Variants in KLHL13 observed in about 807,000 individuals in gnomAD.
KLHL13 encodes kelch like family member 13, also known as kelch-like protein 13.
KLHL13 carries 10 observed loss-of-function variants against 37.1 expected under a neutral mutation model. The observed-to-expected ratio is 0.27, with a 90% CI of 0.17 to 0.46. The LOEUF is 0.46. KLHL13 is among the 20% of genes least tolerant of loss of function. The probability of loss-of-function intolerance (pLI) is 1.00; values close to 1 mark genes in which losing one functional copy is unlikely to be tolerated. For synonymous variants in KLHL13, 163 were observed against 181.2 expected (o/e 0.90, Z 0.81); for missense variants, 360 against 509.3 (o/e 0.71, Z 2.82).
At chrX:118,115,093 G>A (rs774921388) in intron 1 of KLHL13, among the ~76,000 whole-genome samples, 5 of 112,589 alleles carry the variant, frequency 4.4e-5, no homozygotes, top group Non-Finnish European at 9.4e-5. Context: ...TTACCGTTAA[G>A]TATGAGGATA....
intron 1 of KLHL13, among the ~76,000 whole-genome samples, chrX:118,081,766 T>C (rs2054996787): frequency 9.0e-6 from 1 of 111,463 alleles, no homozygotes; most frequent in Non-Finnish European, 1.9e-5. Flanking sequence ...CAACCTCTAG[T>C]AACCATCATT....
intron 1 of KLHL13, among the ~76,000 whole-genome samples, chrX:117,958,765 T>C (rs1602595325): frequency 9.0e-6 from 1 of 111,122 alleles, no homozygotes; most frequent in African/African-American, 3.3e-5. Context: ...TATAAAATTA[T>C]AATAAATGCT....
chrX:118,096,224 C>T (rs1420239397), intron 1 of KLHL13, among the ~76,000 whole-genome samples: 1 of 111,463 alleles, frequency 9.0e-6, no homozygotes, highest in Non-Finnish European at 1.9e-5. Flanking sequence ...CAAATAGACA[C>T]AATACAAAAT....
chrX:117,986,220 G>A (rs974828599), intron 1 of KLHL13, among the ~76,000 whole-genome samples: 37 of 111,462 alleles, frequency 3.3e-4, no homozygotes, highest in African/African-American at 9.8e-4. Context: ...CAAAAATTCC[G>A]TTGCAACTGA....
intron 1 of KLHL13, among the ~76,000 whole-genome samples, chrX:117,979,614 C>T (rs1233522943): frequency 1.8e-5 from 2 of 111,234 alleles, no homozygotes; most frequent in African/African-American, 6.5e-5. Flanking sequence ...AGAATATATC[C>T]TGAAAGATTT....
chrX:117,963,914 C>T (rs770783181), intron 1 of KLHL13, among the ~76,000 whole-genome samples: 61 of 97,107 alleles, frequency 6.3e-4, no homozygotes, highest in Admixed American at 1.9e-3. Context: ...AAATTGGAAA[C>T]CATCATTCTC....
chrX:118,056,693 C>A (rs2054688521), intron 1 of KLHL13, among the ~76,000 whole-genome samples: 1 of 111,381 alleles, frequency 9.0e-6, no homozygotes, highest in South Asian at 3.8e-4. Context: ...CAGGTAGTTT[C>A]ATTATCAAGG....
At chrX:117,937,511 AT>A (rs1395883415) in intron 2 of KLHL13, among the ~76,000 whole-genome samples, 1 of 111,564 alleles carries the variant, frequency 9.0e-6, no homozygotes, top group Non-Finnish European at 1.9e-5. Flanking sequence ...GCTGTTATAT[AT>A]TTTTTTATTA....
chrX:118,012,387 T>C (rs1283720351), intron 1 of KLHL13, among the ~76,000 whole-genome samples: 9 of 110,376 alleles, frequency 8.2e-5, no homozygotes, highest in Non-Finnish European at 1.7e-4. Context: ...GTTGTTGTTA[T>C]TTTTTTTCCC....
At chrX:118,022,209 TTG>T (rs765580560) in intron 1 of KLHL13, among the ~76,000 whole-genome samples, 2 of 111,834 alleles carry the variant, frequency 1.8e-5, no homozygotes, top group Non-Finnish European at 3.8e-5. Flanking sequence ...AATATCCCAT[TTG>T]TGTGTGTGTG....
Position 117,919,706 on chromosome X carries a change from C to A in KLHL13, c.385G>T (p.Glu129Ter). 1 of 1,189,992 alleles carries A rather than the reference C, an allele frequency of 8.4e-7. No individual in the cohort carries two copies. Among genetic ancestry groups the A allele is most frequent in the Non-Finnish European group, 1.1e-6 (1 of 880,548 alleles). The change falls in exon 4 of 7, where the codon GAA becomes TAA. Residue 129 changes from glutamate (E) to a stop codon, truncating the protein, a stop_gained. Transcript: ENST00000262820. LOFTEE classifies it high-confidence loss of function. ...AGTTTAATGCACATTAAATCTTGTT[C>A]TTTCATTCCACCTTAAATAAAAAGA...
chrX:118,024,231 T>C (rs1192012060), intron 1 of KLHL13, among the ~76,000 whole-genome samples: 1 of 112,170 alleles, frequency 8.9e-6, no homozygotes, highest in Non-Finnish European at 1.9e-5. Flanking sequence ...ACTTAGATCT[T>C]ATGTGGAATC....
chrX:118,031,313 T>C (rs2054336734), intron 1 of KLHL13, among the ~76,000 whole-genome samples: 1 of 107,100 alleles, frequency 9.3e-6, no homozygotes, highest in Admixed American at 1.1e-4. Context: ...TCTTATTGAG[T>C]TTTTCCATTA....
intron 1 of KLHL13, among the ~76,000 whole-genome samples, chrX:118,001,642 T>C (rs765125536): frequency 5.4e-5 from 6 of 110,781 alleles, no homozygotes; most frequent in Non-Finnish European, 7.6e-5. Context: ...GGCAGGTGGA[T>C]TGCTGGAGCT....
intron 4 of KLHL13, among the ~76,000 whole-genome samples, chrX:117,913,910 A>C (rs188074699): frequency 1.8e-5 from 2 of 111,006 alleles, no homozygotes; most frequent in East Asian, 5.6e-4. Flanking sequence ...GGGAACCTAT[A>C]AAATTGTTCT....
chrX:118,012,167 C>A (rs1163150981), intron 1 of KLHL13, among the ~76,000 whole-genome samples: 2 of 111,301 alleles, frequency 1.8e-5, no homozygotes, highest in Non-Finnish European at 1.9e-5. Flanking sequence ...CCTCTTTGTG[C>A]TTATATCAAG....
intron 1 of KLHL13, among the ~76,000 whole-genome samples, chrX:117,988,523 T>C (rs750876954): frequency 8.9e-6 from 1 of 111,899 alleles, no homozygotes; most frequent in Non-Finnish European, 1.9e-5. Context: ...TTGGAAGCAA[T>C]TGCTCATGCT....
chrX:117,973,807 C>T, upstream of KLHL13: 9 of 669,824 alleles, frequency 1.3e-5, no homozygotes, highest in Non-Finnish European at 1.6e-5. Flanking sequence ...CCCCTTTCCC[C>T]TCTTGTTCAC....
chrX:118,017,848 G>A (rs897613149), intron 1 of KLHL13, among the ~76,000 whole-genome samples: 11 of 111,450 alleles, frequency 9.9e-5, no homozygotes, highest in African/African-American at 3.6e-4. Flanking sequence ...AATACCAGAC[G>A]ATATTTTATA....
Sources: gnomAD v4.1 joint callset for allele counts (sites outside exome capture counted in the v4.1 genomes callset) on GRCh38, gnomAD v4.1.1 for gene constraint, MANE v1.5 for transcripts, NCBI Gene and HGNC (gene_info 2026-07-23, HGNC 2026-07-21) for gene names.